THRB: variants seen among roughly 807,000 people sequenced by gnomAD.
THRB encodes the protein nuclear receptor subfamily 1 group A member 2.
A neutral mutation model predicts 47.8 loss-of-function variants in THRB; 12 were observed. That is an observed-to-expected ratio of 0.25 (90% CI 0.16 to 0.41). THRB has a LOEUF of 0.41. Among genes scored for constraint, THRB ranks in the 10% least tolerant of loss-of-function variants. THRB has a pLI of 1.00. For synonymous variants in THRB, 218 were observed against 212.2 expected, an observed-to-expected ratio of 1.03 and a Z score of -0.24; for missense variants, 348 against 589.2, an observed-to-expected ratio of 0.59 and a Z score of 4.24.
intron 8 of THRB, among the ~76,000 whole-genome samples, chr3:24,141,714 G>C (rs2035474910): frequency 6.6e-6 from 1 of 152,276 alleles, no homozygotes; most frequent in East Asian, 1.9e-4. Flanking sequence ...GGGGAGTAAA[G>C]ACAATAAAAG....
chr3:24,213,285 T>A (rs62253694), intron 4 of THRB, among the ~76,000 whole-genome samples: 2 of 152,182 alleles, frequency 1.3e-5, no homozygotes, highest in African/African-American at 4.8e-5. Context: ...TTTAGTTGAT[T>A]TGTGGCACAT....
At chr3:24,392,591 G>A (rs974759817) in intron 1 of THRB, among the ~76,000 whole-genome samples, 1 of 151,986 alleles carries the variant, frequency 6.6e-6, no homozygotes, top group Admixed American at 6.6e-5. Context: ...TACTCTTCAT[G>A]GATTCTTTTC....
At chr3:24,260,542 A>T (rs2051849934) in intron 3 of THRB, among the ~76,000 whole-genome samples, 2 of 152,186 alleles carry the variant, frequency 1.3e-5, no homozygotes, top group African/African-American at 4.8e-5. Flanking sequence ...TCTCTTTATC[A>T]TCATGTCAAT....
intron 4 of THRB, among the ~76,000 whole-genome samples, chr3:24,213,875 C>T (rs1200127566): frequency 2.0e-5 from 3 of 152,164 alleles, no homozygotes; most frequent in African/African-American, 7.2e-5. Flanking sequence ...AACAAGACAG[C>T]TGCATTTGTT....
chr3:24,368,226 G>A (rs1034671065), intron 1 of THRB, among the ~76,000 whole-genome samples: 6 of 151,930 alleles, frequency 3.9e-5, no homozygotes, highest in Admixed American at 1.3e-4. Context: ...AAAAATACAC[G>A]GATGACTTTT....
intron 1 of THRB, among the ~76,000 whole-genome samples, chr3:24,465,387 G>T (rs928078263): frequency 1.3e-5 from 2 of 152,296 alleles, no homozygotes; most frequent in East Asian, 3.9e-4. Flanking sequence ...ATGAGGTGAA[G>T]TGGGAATCTG....
At chr3:24,131,935 C>T (rs1450343871) in intron 9 of THRB, among the ~76,000 whole-genome samples, 1 of 152,248 alleles carries the variant, frequency 6.6e-6, no homozygotes, top group Non-Finnish European at 1.5e-5. Flanking sequence ...GGCAAACGTG[C>T]TCTCTCAGGT....
At chr3:24,185,446 AT>A (rs145850200) in intron 5 of THRB, among the ~76,000 whole-genome samples, 13,591 of 152,156 alleles carry the variant, frequency 0.089, 1,222 homozygotes, top group African/African-American at 0.23. Flanking sequence ...ATTTGTAGAA[AT>A]TTTTTTTCTA....
chr3:24,256,863 A>G (rs1042740106), intron 3 of THRB, among the ~76,000 whole-genome samples: 1 of 152,246 alleles, frequency 6.6e-6, no homozygotes, highest in Non-Finnish European at 1.5e-5. Context: ...GTGGAAGAGT[A>G]TGTTGAACAG....
At chr3:24,338,314 A>G (rs778565832) in intron 1 of THRB, among the ~76,000 whole-genome samples, 1 of 152,236 alleles carries the variant, frequency 6.6e-6, no homozygotes, top group Non-Finnish European at 1.5e-5. Flanking sequence ...GTTGGTTTGT[A>G]TCTTTCAAGA....
chr3:24,228,883 T>C lies in THRB; in HGVS notation c.22+55A>G, dbSNP rs904527006. 10 of 1,514,804 alleles carry C rather than the reference T, an allele frequency of 6.6e-6. No homozygotes were observed. In the African/African-American group the frequency reaches 7.0e-5, roughly 11 times the overall value. The allele number at this position is 1,514,804 out of a possible 1,614,324, so 93.8% of individuals were successfully genotyped here. ...AATCTTTAAGAATCTATAATTTCAC[T>C]CTAGGTGGAACAAAAATGGAGGCAC... On this transcript the variant is annotated intron_variant, in intron 4 of 10. Transcript: ENST00000646209.
At chr3:24,478,380 CA>C (rs1259282257) in intron 1 of THRB, among the ~76,000 whole-genome samples, 2 of 152,142 alleles carry the variant, frequency 1.3e-5, no homozygotes, top group African/African-American at 4.8e-5. Flanking sequence ...TATTTGATAA[CA>C]AAAGAATGAA....
Position 24,149,661 on chromosome 3 carries a change from CT to C in THRB, c.384+2728del, listed in dbSNP as rs567519189. Reference sequence around the variant, plus strand: ...AATCCTTTTAAAGATGTTGGCCTTTCTTTTTTTTGTTTTTTCTTGATTTTCT... The same window carrying C: ...AATCCTTTTAAAGATGTTGGCCTTTCTTTTTTTGTTTTTTCTTGATTTTCT... On this transcript the variant is annotated intron_variant, in intron 6 of 10. Transcript: ENST00000646209. 2.0e-5 allele frequency among the ~76,000 whole-genome samples: 3 copies of C among 151,450 alleles called. No homozygotes were observed. The South Asian group carries it at 6.4e-4, about 32-fold the overall frequency.
chr3:24,122,801 G>C lies in THRB; in HGVS notation c.*83C>G. On this transcript the variant is annotated 3_prime_UTR_variant, in exon 11 of 11. Transcript: ENST00000646209. ...CCCAAATAATCCCTCCCAACACAAAGAAACAAACAAAAAAGAGCTAGGCAA... is the reference window on the plus strand; with the variant it reads ...CCCAAATAATCCCTCCCAACACAAACAAACAAACAAAAAAGAGCTAGGCAA... 1.3e-6 allele frequency: 2 copies of C among 1,596,988 alleles called. No individual in the cohort carries two copies. Among genetic ancestry groups the C allele is most frequent in the Non-Finnish European group, 1.7e-6 (2 of 1,165,228 alleles).
At chr3:24,294,106 T>C (rs1271460526) in intron 3 of THRB, among the ~76,000 whole-genome samples, 13 of 152,226 alleles carry the variant, frequency 8.5e-5, no homozygotes, top group Admixed American at 8.5e-4. Context: ...GACTATGTTT[T>C]AAGAGGTTTT....
chr3:24,347,589 T>C (rs985460843), intron 1 of THRB, among the ~76,000 whole-genome samples: 6 of 151,034 alleles, frequency 4.0e-5, no homozygotes, highest in African/African-American at 1.5e-4. Flanking sequence ...ATTTTTCTTT[T>C]TCTTTTTAAA....
intron 1 of THRB, among the ~76,000 whole-genome samples, chr3:24,404,120 T>C (rs2067638184): frequency 6.6e-6 from 1 of 151,974 alleles, no homozygotes; most frequent in Non-Finnish European, 1.5e-5. Flanking sequence ...ATGTAATAAA[T>C]AGAATCCTGA....
intron 4 of THRB, among the ~76,000 whole-genome samples, chr3:24,205,503 C>G (rs181009744): frequency 3.6e-3 from 541 of 152,270 alleles, no homozygotes; most frequent in African/African-American, 0.012. Flanking sequence ...GAAGGAAGCA[C>G]TAAACATGGA....
chr3:24,146,588 C>T, intron 7 of THRB, 87 bp downstream of exon 7: 6 of 1,425,702 alleles, frequency 4.2e-6, no homozygotes, highest in Non-Finnish European at 5.9e-6. Context: ...GGGTTCCTGC[C>T]TTCTTTTCTG....
Sources: allele counts gnomAD v4.1 joint callset (sites outside exome capture counted in the v4.1 genomes callset), GRCh38; gene constraint gnomAD v4.1.1; transcripts MANE v1.5; gene names NCBI Gene and HGNC (gene_info 2026-07-23, HGNC 2026-07-21).